Variants in ACOXL observed in about 807,000 individuals in gnomAD.
The protein encoded by ACOXL is acyl-coenzyme A oxidase-like protein.
In ACOXL, 70 loss-of-function variants were observed where a neutral mutation model predicts 71.9. That is an observed-to-expected ratio of 0.97 (90% CI 0.80 to 1.19). The LOEUF (loss-of-function observed/expected upper bound fraction) is 1.19. Ranked by LOEUF, ACOXL falls within the 50% of genes most tolerant of loss-of-function variation. The probability of loss-of-function intolerance (pLI) is 0.00; values close to 1 mark genes in which losing one functional copy is unlikely to be tolerated. For missense variants in ACOXL, 703 were observed against 736.3 expected (o/e 0.95, Z 0.52); for synonymous variants, 253 against 281.6 (o/e 0.90, Z 1.02).
At chr2:110,752,343 G>A (rs1290243405) in intron 1 of ACOXL, among the ~76,000 whole-genome samples, 1 of 151,978 alleles carries the variant, frequency 6.6e-6, no homozygotes, top group Non-Finnish European at 1.5e-5. Flanking sequence ...AAAATACGTT[G>A]GGCATGTTGG....
intron 15 of ACOXL, among the ~76,000 whole-genome samples, chr2:111,035,988 C>G (rs1481572305): frequency 6.6e-6 from 1 of 152,230 alleles, no homozygotes; most frequent in East Asian, 1.9e-4. Context: ...ATTATGCAAG[C>G]TCAGATAAAC....
intron 16 of ACOXL, among the ~76,000 whole-genome samples, chr2:111,064,117 T>C (rs2066940193): frequency 6.6e-6 from 1 of 152,102 alleles, no homozygotes; most frequent in South Asian, 2.1e-4. Flanking sequence ...TACCAAAATC[T>C]AGGGAGGCAC....
Position 110,743,466 on chromosome 2 carries a change from T to C in ACOXL, c.-23+10692T>C, listed in dbSNP as rs568550657. Among the ~76,000 whole-genome samples, 3 of 152,314 alleles carry C rather than the reference T, an allele frequency of 2.0e-5. No individual in the cohort carries two copies. The South Asian group carries it at 6.2e-4, about 32-fold the overall frequency. On this transcript the variant is annotated intron_variant, in intron 1 of 17. Coordinates refer to ENST00000439055, the MANE Select transcript of ACOXL (RefSeq NM_001142807.4). ...CTTGCATAGTGACTGTTCTGATTTA[T>C]TTTCCAAAAATTTACTAATTTTTCC...
At chr2:110,983,138 A>G (rs951320038) in intron 12 of ACOXL, among the ~76,000 whole-genome samples, 1 of 152,016 alleles carries the variant, frequency 6.6e-6, no homozygotes, top group Non-Finnish European at 1.5e-5. Context: ...TGGAAATCAC[A>G]TTTTTCTATT....
chr2:110,938,970 T>TA (rs2060769845), intron 12 of ACOXL, among the ~76,000 whole-genome samples: 1 of 152,206 alleles, frequency 6.6e-6, no homozygotes, highest in African/African-American at 2.4e-5. Flanking sequence ...ACAACCCATA[T>TA]TGACAGCTCA....
intron 5 of ACOXL, among the ~76,000 whole-genome samples, chr2:110,797,901 C>T (rs555564308): frequency 2.6e-4 from 40 of 152,078 alleles, no homozygotes; most frequent in Non-Finnish European, 4.7e-4. Context: ...AGTAGTCTAG[C>T]GAGATAATTG....
chr2:111,036,113 T>A (rs1342544719), intron 15 of ACOXL, among the ~76,000 whole-genome samples: 1 of 152,220 alleles, frequency 6.6e-6, no homozygotes, highest in East Asian at 1.9e-4. Flanking sequence ...AACCAGAAGT[T>A]GTAAGACAAC....
intron 11 of ACOXL, among the ~76,000 whole-genome samples, chr2:110,930,937 A>G (rs541203057): frequency 6.6e-6 from 1 of 152,348 alleles, no homozygotes; most frequent in South Asian, 2.1e-4. Context: ...TATCAGCAGT[A>G]TGAAAACACT....
At chr2:110,875,326 T>C (rs560960344) in intron 10 of ACOXL, among the ~76,000 whole-genome samples, 2 of 152,364 alleles carry the variant, frequency 1.3e-5, no homozygotes, top group Admixed American at 6.5e-5. Context: ...CACACACTTC[T>C]GCTTTCTTTA....
intron 16 of ACOXL, among the ~76,000 whole-genome samples, chr2:111,064,315 A>G (rs2149895236): frequency 6.6e-6 from 1 of 152,060 alleles, no homozygotes; most frequent in East Asian, 1.9e-4. Context: ...GGGCACCTGT[A>G]GTCCCGGCTA....
intron 12 of ACOXL, among the ~76,000 whole-genome samples, chr2:110,947,010 C>G (rs1299065963): frequency 6.6e-6 from 1 of 152,190 alleles, no homozygotes; most frequent in South Asian, 2.1e-4. Context: ...GTGCTTCATG[C>G]TTACACATGT....
intron 17 of ACOXL, chr2:111,100,242 C>G (rs931486195): frequency 6.6e-6 from 1 of 152,612 alleles, no homozygotes; most frequent in South Asian, 2.1e-4. Flanking sequence ...GAAAATAATA[C>G]TTAGCAAAAT....
At chr2:110,766,713 G>T (rs1681122318) in intron 1 of ACOXL, among the ~76,000 whole-genome samples, 1 of 152,194 alleles carries the variant, frequency 6.6e-6, no homozygotes, top group Non-Finnish European at 1.5e-5. Context: ...TCCTGCTGAT[G>T]GGGTGTTGGT....
At chr2:110,814,505 G>C (rs1032540199) in intron 9 of ACOXL, among the ~76,000 whole-genome samples, 1 of 151,892 alleles carries the variant, frequency 6.6e-6, no homozygotes, top group Non-Finnish European at 1.5e-5. Flanking sequence ...GCCAAAAAAA[G>C]TTTACAATTC....
chr2:110,933,026 A>T (rs576929480), intron 11 of ACOXL, among the ~76,000 whole-genome samples: 8 of 152,172 alleles, frequency 5.3e-5, no homozygotes, highest in Non-Finnish European at 1.0e-4. Flanking sequence ...TGCAGGTATA[A>T]ATTTTTTTGT....
chr2:110,909,694 G>A (rs1323237958), intron 11 of ACOXL, among the ~76,000 whole-genome samples: 1 of 151,122 alleles, frequency 6.6e-6, no homozygotes, highest in Non-Finnish European at 1.5e-5. Context: ...GCTAGTGCCA[G>A]GGTTTATAAA....
chr2:110,857,460 A>C (rs1321115407), intron 10 of ACOXL, among the ~76,000 whole-genome samples: 1 of 152,172 alleles, frequency 6.6e-6, no homozygotes, highest in African/African-American at 2.4e-5. Context: ...AGGTTACATG[A>C]GCAGACTTAG....
At chr2:110,869,003 A>C (rs895888173) in intron 10 of ACOXL, among the ~76,000 whole-genome samples, 1 of 152,150 alleles carries the variant, frequency 6.6e-6, no homozygotes, top group African/African-American at 2.4e-5. Flanking sequence ...AGTGGCAGCT[A>C]ACATTTCTTG....
chr2:111,042,277 A>G (rs1278952094), intron 15 of ACOXL, among the ~76,000 whole-genome samples: 1 of 152,222 alleles, frequency 6.6e-6, no homozygotes, highest in Non-Finnish European at 1.5e-5. Flanking sequence ...AGTACCTCCT[A>G]TTTGCCAGAC....
Sources: allele counts gnomAD v4.1 joint callset (sites outside exome capture counted in the v4.1 genomes callset), GRCh38; gene constraint gnomAD v4.1.1; transcripts MANE v1.5; gene names NCBI Gene and HGNC (gene_info 2026-07-23, HGNC 2026-07-21).